The following SGCD variants were observed in gnomAD, a reference collection of about 807,000 sequenced individuals.
SGCD encodes delta-sarcoglycan.
In SGCD, 18 loss-of-function variants were observed where a neutral mutation model predicts 36.6. The ratio of observed to expected loss-of-function variants is 0.49; its 90% CI spans 0.34 to 0.73. The LOEUF (loss-of-function observed/expected upper bound fraction) is 0.73. Among genes scored for constraint, SGCD ranks in the 30% least tolerant of loss-of-function variants. SGCD has a pLI of 0.01. For synonymous variants in SGCD, 133 were observed against 130.6 expected (o/e 1.02, Z -0.12); for missense variants, 387 against 346.7 (o/e 1.12, Z -0.92).
At chr5:156,106,397 A>C (rs1056960826) in intron 1 of SGCD, among the ~76,000 whole-genome samples, 3 of 152,184 alleles carry the variant, frequency 2.0e-5, no homozygotes, top group African/African-American at 7.2e-5. Flanking sequence ...GAATGCAGAA[A>C]GGTATAAAGC....
intron 3 of SGCD, among the ~76,000 whole-genome samples, chr5:156,465,092 C>T (rs1265946793): frequency 3.9e-5 from 6 of 151,948 alleles, no homozygotes; most frequent in South Asian, 2.1e-4. Flanking sequence ...TACCCAGGGG[C>T]GTGTATGATT....
intron 1 of SGCD, among the ~76,000 whole-genome samples, chr5:155,986,970 G>T (rs1758345242): frequency 6.6e-6 from 1 of 152,088 alleles, no homozygotes; most frequent in Admixed American, 6.5e-5. Flanking sequence ...TGGCAAAAGG[G>T]CTGGAAATCA....
At chr5:155,951,386 T>G (rs1222530515) in intron 1 of SGCD, among the ~76,000 whole-genome samples, 2 of 152,146 alleles carry the variant, frequency 1.3e-5, no homozygotes, top group Admixed American at 1.3e-4. Context: ...ATGATGTGGT[T>G]AAATCTCAAA....
chr5:156,175,526 T>G (rs759752162), intron 3 of SGCD, among the ~76,000 whole-genome samples: 1 of 152,206 alleles, frequency 6.6e-6, no homozygotes, highest in Non-Finnish European at 1.5e-5. Flanking sequence ...ATCCCATTCT[T>G]TACTTAGCCT....
At chr5:156,298,528 C>T (rs1766960737) in intron 3 of SGCD, among the ~76,000 whole-genome samples, 1 of 151,422 alleles carries the variant, frequency 6.6e-6, no homozygotes, top group Non-Finnish European at 1.5e-5. Flanking sequence ...TGATACTGAG[C>T]ACCTTTTCAT....
chr5:156,061,268 A>AT (rs1364906446), intron 1 of SGCD, among the ~76,000 whole-genome samples: 9 of 145,782 alleles, frequency 6.2e-5, no homozygotes, highest in African/African-American at 2.2e-4. Context: ...GGCTAAGAGA[A>AT]TATAAGCGTT....
At chr5:156,246,519 G>A (rs932980613) in intron 3 of SGCD, among the ~76,000 whole-genome samples, 3 of 152,018 alleles carry the variant, frequency 2.0e-5, no homozygotes, top group Non-Finnish European at 2.9e-5. Context: ...TAATGGAGTT[G>A]TTCTTTCACA....
At position 156,600,030 on chromosome 5, in the gene SGCD, AT is replaced by A. The variant is rs567189598; in HGVS notation, c.502+4988del. Among the ~76,000 whole-genome samples, 477 of 151,510 alleles carry A rather than the reference AT, an allele frequency of 3.1e-3. 9 individuals are homozygous for A. Among genetic ancestry groups the A allele is most frequent in the African/African-American group, 0.011 (461 of 41,320 alleles). Reference sequence around the variant, plus strand: ...ACATGCTAACTGGTGTTGGTGATGGATTTTTTTTTCAATTGACACATTACAG... The same window carrying A: ...ACATGCTAACTGGTGTTGGTGATGGATTTTTTTTCAATTGACACATTACAG... On this transcript the variant is annotated intron_variant, in intron 6 of 8. Coordinates refer to ENST00000337851, the MANE Select transcript of SGCD (RefSeq NM_000337.6).
chr5:156,395,299 G>A (rs911423436), intron 3 of SGCD, among the ~76,000 whole-genome samples: 1 of 152,216 alleles, frequency 6.6e-6, no homozygotes, highest in African/African-American at 2.4e-5. Context: ...CATCCTATGT[G>A]ATTGGTTAGG....
chr5:156,183,824 AAG>A, intron 3 of SGCD, among the ~76,000 whole-genome samples: 1 of 152,292 alleles, frequency 6.6e-6, no homozygotes, highest in East Asian at 1.9e-4. Flanking sequence ...CTGGTAATAC[AAG>A]AGTTCAATCC....
chr5:155,744,054 T>G, the SGCD span, among the ~76,000 whole-genome samples: 4 of 152,060 alleles, frequency 2.6e-5, no homozygotes, highest in African/African-American at 4.8e-5. Context: ...ATGACAAAAA[T>G]ACACATGAAA....
At chr5:156,540,096 A>G (rs1421678754) in intron 4 of SGCD, among the ~76,000 whole-genome samples, 1 of 152,146 alleles carries the variant, frequency 6.6e-6, no homozygotes, top group African/African-American at 2.4e-5. Context: ...GAGGTCTTTG[A>G]TTTATCCAAA....
chr5:156,586,203 GTT>G (rs1472435433), intron 4 of SGCD, among the ~76,000 whole-genome samples: 11 of 152,096 alleles, frequency 7.2e-5, no homozygotes, highest in Admixed American at 7.2e-4. Flanking sequence ...GACCTCGACA[GTT>G]TTGAAGGGTA....
the SGCD span, among the ~76,000 whole-genome samples, chr5:155,792,433 C>CAAAAAAAAAAAAAAAAAAAAAAAAAAAAA: frequency 1.1e-5 from 1 of 92,356 alleles, no homozygotes; most frequent in Non-Finnish European, 2.1e-5. Flanking sequence ...TTCTACATAG[C>CAAAAAAAAAAAAAAAAAAAAAAAAAAAAA]AAAAAAAAAA....
intron 7 of SGCD, among the ~76,000 whole-genome samples, chr5:156,670,683 G>T (rs941794472): frequency 6.6e-6 from 1 of 152,146 alleles, no homozygotes; most frequent in Non-Finnish European, 1.5e-5. Context: ...AGCCAAAGGG[G>T]TTCTTATTTT....
chr5:155,824,279 G>A, the SGCD span, among the ~76,000 whole-genome samples: 5 of 152,306 alleles, frequency 3.3e-5, no homozygotes, highest in Middle Eastern at 3.4e-3. Context: ...CACTTGATAA[G>A]TTGCCTCATT....
intron 3 of SGCD, among the ~76,000 whole-genome samples, chr5:156,474,271 T>C (rs1461676512): frequency 6.6e-6 from 1 of 152,206 alleles, no homozygotes; most frequent in Non-Finnish European, 1.5e-5. Flanking sequence ...TAGGATAGTC[T>C]TTTTGGAATT....
chr5:155,760,081 C>A, the SGCD span, among the ~76,000 whole-genome samples: 2 of 151,136 alleles, frequency 1.3e-5, no homozygotes, highest in Admixed American at 6.6e-5. Context: ...CTCTCCATCA[C>A]CCTCTGCATC....
upstream of SGCD, among the ~76,000 whole-genome samples, chr5:155,865,427 A>G (rs768508287): frequency 6.6e-6 from 1 of 152,130 alleles, no homozygotes; most frequent in Non-Finnish European, 1.5e-5. Context: ...ATCTGGTCTC[A>G]TATAGGTATG....
Sources: gnomAD v4.1 joint callset for allele counts (sites outside exome capture counted in the v4.1 genomes callset) on GRCh38, gnomAD v4.1.1 for gene constraint, MANE v1.5 for transcripts, NCBI Gene and HGNC (gene_info 2026-07-23, HGNC 2026-07-21) for gene names.